Variants in CDYL2 observed in about 807,000 individuals in gnomAD.
The protein encoded by CDYL2 is chromodomain Y-like protein 2.
A neutral mutation model predicts 49.4 loss-of-function variants in CDYL2; 23 were observed. The observed-to-expected ratio is 0.47, with a 90% CI of 0.34 to 0.66. The LOEUF (loss-of-function observed/expected upper bound fraction) is 0.66. Among genes scored for constraint, CDYL2 ranks in the 30% least tolerant of loss-of-function variants. CDYL2 has a pLI of 0.01. For missense variants in CDYL2, 678 were observed against 656.4 expected (o/e 1.03, Z -0.36); for synonymous variants, 360 against 268.8 (o/e 1.34, Z -3.32).
intron 1 of CDYL2, among the ~76,000 whole-genome samples, chr16:80,761,216 G>A (rs1016977045): frequency 1.2e-4 from 19 of 152,238 alleles, no homozygotes; most frequent in South Asian, 4.1e-4. Context: ...GAACAAGCCC[G>A]CCAGGGGATT....
At chr16:80,675,461 T>A (rs1404505679) in intron 2 of CDYL2, among the ~76,000 whole-genome samples, 1 of 152,158 alleles carries the variant, frequency 6.6e-6, no homozygotes, top group Non-Finnish European at 1.5e-5. Context: ...CAGTAAGACC[T>A]CAAGAAATGT....
chr16:80,632,955 T>C, intron 3 of CDYL2, 64 bp downstream of exon 3: 1 of 1,495,772 alleles, frequency 6.7e-7, no homozygotes, highest in Non-Finnish European at 9.3e-7. Flanking sequence ...AAAGCCAATA[T>C]TCCATTCTGA....
chr16:80,673,557 A>G (rs1424714493), intron 2 of CDYL2, among the ~76,000 whole-genome samples: 10 of 152,358 alleles, frequency 6.6e-5, no homozygotes, highest in East Asian at 1.9e-4. Context: ...AAGTGCACTT[A>G]AATGAAATAA....
intron 1 of CDYL2, among the ~76,000 whole-genome samples, chr16:80,697,403 G>A (rs187475873): frequency 6.6e-6 from 1 of 151,334 alleles, no homozygotes; most frequent in African/African-American, 2.4e-5. Flanking sequence ...AACAAATCAG[G>A]TAGACAAGGA....
intron 1 of CDYL2, among the ~76,000 whole-genome samples, chr16:80,689,541 G>A (rs2142483967): frequency 6.6e-6 from 1 of 152,270 alleles, no homozygotes; most frequent in Non-Finnish European, 1.5e-5. Context: ...AAGTTCATCT[G>A]ACTGCAACAG....
At chr16:80,620,731 C>T (rs1368973356) in intron 4 of CDYL2, 32 bp downstream of exon 4, 2 of 1,552,066 alleles carry the variant, frequency 1.3e-6, no homozygotes, top group East Asian at 2.3e-5. Context: ...CTACGCAGGA[C>T]CCCAGGGTGT....
chr16:80,713,217 C>G (rs576997703), intron 1 of CDYL2, among the ~76,000 whole-genome samples: 82 of 152,242 alleles, frequency 5.4e-4, no homozygotes, highest in African/African-American at 1.9e-3. Flanking sequence ...ATTTAATAAG[C>G]GCTAGGTGGC....
intron 1 of CDYL2, among the ~76,000 whole-genome samples, chr16:80,761,788 C>T (rs964869710): frequency 6.6e-6 from 1 of 151,040 alleles, no homozygotes; most frequent in South Asian, 2.1e-4. Flanking sequence ...AAAGAAGATG[C>T]TGGGAAAACT....
intron 1 of CDYL2, among the ~76,000 whole-genome samples, chr16:80,701,649 C>T (rs972060892): frequency 6.6e-5 from 10 of 152,088 alleles, no homozygotes; most frequent in Admixed American, 1.3e-4. Context: ...TTTTAAAGGG[C>T]TGAAATGAAT....
At chr16:80,622,812 G>C (rs1567544491) in intron 3 of CDYL2, among the ~76,000 whole-genome samples, 1 of 152,166 alleles carries the variant, frequency 6.6e-6, no homozygotes, top group Non-Finnish European at 1.5e-5. Context: ...AACTGTGTTT[G>C]CGCTCTTCAA....
At chr16:80,641,319 C>G (rs1349680577) in intron 2 of CDYL2, among the ~76,000 whole-genome samples, 1 of 151,838 alleles carries the variant, frequency 6.6e-6, no homozygotes, top group Non-Finnish European at 1.5e-5. Context: ...ATTTAAAGTG[C>G]TAAAGGAGAA....
intron 1 of CDYL2, among the ~76,000 whole-genome samples, chr16:80,749,231 A>C (rs1215902052): frequency 1.3e-5 from 2 of 152,226 alleles, no homozygotes; most frequent in East Asian, 1.9e-4. Flanking sequence ...ACAGAACACA[A>C]CTGAATACCT....
chr16:80,684,245 G>A (rs1910084224), intron 2 of CDYL2, among the ~76,000 whole-genome samples: 1 of 152,210 alleles, frequency 6.6e-6, no homozygotes, highest in Admixed American at 6.5e-5. Context: ...TGGGTCTAGA[G>A]GGGTTACCAT....
At chr16:80,760,920 C>T (rs550018211) in intron 1 of CDYL2, among the ~76,000 whole-genome samples, 3 of 152,030 alleles carry the variant, frequency 2.0e-5, no homozygotes, top group Admixed American at 6.5e-5. Flanking sequence ...CATTAAGGGC[C>T]GGTGCGTCTG....
At chr16:80,700,033 G>A (rs555265285) in intron 1 of CDYL2, among the ~76,000 whole-genome samples, 31 of 152,288 alleles carry the variant, frequency 2.0e-4, no homozygotes, top group African/African-American at 7.5e-4. Context: ...ACGCCTGGCT[G>A]ATTTTTTAGT....
Position 80,803,107 on chromosome 16 carries a change from C to T in CDYL2, c.24+1043G>A, listed in dbSNP as rs554180134. ...GTCTTGGCGGCCAACACCTCTGAGG[C>T]CATTCCCTCTGGGGAGTGGTGGCTG... is the stretch of plus-strand genomic sequence containing the variant. On this transcript the variant is annotated intron_variant, in intron 1 of 6. Coordinates refer to ENST00000570137, the MANE Select transcript of CDYL2 (RefSeq NM_152342.4). Among the ~76,000 whole-genome samples, 6 of 152,330 alleles carry T rather than the reference C, an allele frequency of 3.9e-5. No individual in the cohort carries two copies. In the East Asian group the frequency reaches 7.7e-4, roughly 20 times the overall value.
chr16:80,693,129 G>C (rs933354553), intron 1 of CDYL2, among the ~76,000 whole-genome samples: 3 of 148,490 alleles, frequency 2.0e-5, no homozygotes, highest in Non-Finnish European at 4.5e-5. Flanking sequence ...GGGTGTGGGG[G>C]TGGATGGCGG....
intron 1 of CDYL2, among the ~76,000 whole-genome samples, chr16:80,778,183 T>C (rs1361338085): frequency 1.3e-5 from 2 of 152,016 alleles, no homozygotes; most frequent in African/African-American, 2.4e-5. Context: ...ATATCTACTT[T>C]ATATCAATAG....
At chr16:80,771,758 C>A (rs1340108969) in intron 1 of CDYL2, among the ~76,000 whole-genome samples, 1 of 151,926 alleles carries the variant, frequency 6.6e-6, no homozygotes, top group Non-Finnish European at 1.5e-5. Flanking sequence ...TAAAAAACTG[C>A]AGAGCAGATT....
Sources: allele counts gnomAD v4.1 joint callset (sites outside exome capture counted in the v4.1 genomes callset), GRCh38; gene constraint gnomAD v4.1.1; transcripts MANE v1.5; gene names NCBI Gene and HGNC (gene_info 2026-07-23, HGNC 2026-07-21).